TTLL5: variants seen among roughly 807,000 people sequenced by gnomAD.
The protein encoded by TTLL5 is tubulin polyglutamylase TTLL5.
A neutral mutation model predicts 168.4 loss-of-function variants in TTLL5; 132 were observed. The observed-to-expected ratio is 0.78, with a 90% CI of 0.68 to 0.91. The LOEUF is 0.91. Ranked by LOEUF, TTLL5 falls within the 40% of genes least tolerant of loss-of-function variation. TTLL5 has a pLI of 0.00. For missense variants in TTLL5, 1,545 were observed against 1,581.5 expected (o/e 0.98, Z 0.39); for synonymous variants, 546 against 558.6 (o/e 0.98, Z 0.32).
intron 9 of TTLL5, among the ~76,000 whole-genome samples, chr14:75,716,511 T>G (rs539637984): frequency 3.8e-4 from 58 of 152,312 alleles, no homozygotes; most frequent in South Asian, 1.0e-3. Flanking sequence ...AATGCTGACC[T>G]TTAATGTGGT....
chr14:75,745,073 A>G (rs377604796), intron 15 of TTLL5, 22 bp from the exon 16 acceptor site: 9 of 1,604,892 alleles, frequency 5.6e-6, no homozygotes, highest in South Asian at 2.2e-5. Context: ...TTTTTTTACT[A>G]TTTTCATTTT....
At chr14:75,846,772 A>G (rs1439469196) in intron 28 of TTLL5, among the ~76,000 whole-genome samples, 1 of 147,534 alleles carries the variant, frequency 6.8e-6, no homozygotes, top group African/African-American at 2.5e-5. Context: ...CCTGGGCAAC[A>G]AGAGTGAAAC....
At chr14:75,935,073 G>C (rs2034394726) in intron 31 of TTLL5, among the ~76,000 whole-genome samples, 1 of 152,350 alleles carries the variant, frequency 6.6e-6, no homozygotes, top group South Asian at 2.1e-4. Flanking sequence ...GGATCCAGAG[G>C]ACATCTGCTT....
chr14:75,851,373 T>C (rs1246916939), intron 28 of TTLL5, among the ~76,000 whole-genome samples: 1 of 152,202 alleles, frequency 6.6e-6, no homozygotes, highest in African/African-American at 2.4e-5. Context: ...ATAATACTTT[T>C]ATTCTTAAAA....
At chr14:75,806,650 T>C (rs533195021) in intron 27 of TTLL5, among the ~76,000 whole-genome samples, 123 of 152,024 alleles carry the variant, frequency 8.1e-4, no homozygotes, top group African/African-American at 2.9e-3. Flanking sequence ...TGCATACTCT[T>C]TCACTCATCA....
chr14:75,684,369 A>G (rs1054853365), intron 5 of TTLL5: 2 of 152,202 alleles, frequency 1.3e-5, no homozygotes, highest in Non-Finnish European at 2.9e-5. Context: ...TCAGGGTTCC[A>G]AAGAAAGGTA....
At chr14:75,853,194 A>G (rs1896963738) in intron 28 of TTLL5, among the ~76,000 whole-genome samples, 1 of 152,194 alleles carries the variant, frequency 6.6e-6, no homozygotes, top group African/African-American at 2.4e-5. Context: ...ATTTACACCA[A>G]GATTGTCACT....
chr14:75,905,116 AAAG>A (rs1223371228), intron 31 of TTLL5, among the ~76,000 whole-genome samples: 8 of 152,216 alleles, frequency 5.3e-5, no homozygotes, highest in African/African-American at 1.9e-4. Context: ...AACCCACAAG[AAAG>A]AAGAACAACT....
chr14:75,728,172 A>G (rs1362482100), intron 12 of TTLL5, among the ~76,000 whole-genome samples: 1 of 152,150 alleles, frequency 6.6e-6, no homozygotes. Flanking sequence ...CCTGGCCAAC[A>G]TGGTAAAACC....
At chr14:75,839,709 G>A (rs1566626308) in intron 28 of TTLL5, among the ~76,000 whole-genome samples, 2 of 152,112 alleles carry the variant, frequency 1.3e-5, no homozygotes, top group Non-Finnish European at 2.9e-5. Flanking sequence ...GGGGATTATG[G>A]GGATTATAAT....
At chr14:75,935,891 A>ATT (rs527750573) in intron 31 of TTLL5, among the ~76,000 whole-genome samples, 4 of 150,214 alleles carry the variant, frequency 2.7e-5, no homozygotes, top group African/African-American at 4.9e-5. Flanking sequence ...AATCTTTTGT[A>ATT]TTTTTTTTTT....
chr14:75,867,598 A>G (rs1200283737), intron 29 of TTLL5, among the ~76,000 whole-genome samples: 2 of 152,092 alleles, frequency 1.3e-5, no homozygotes, highest in African/African-American at 4.8e-5. Context: ...CGTCTCTACT[A>G]AAAATACAAA....
At chr14:75,674,039 G>A (rs1255601742) in intron 3 of TTLL5, among the ~76,000 whole-genome samples, 1 of 152,136 alleles carries the variant, frequency 6.6e-6, no homozygotes, top group Non-Finnish European at 1.5e-5. Flanking sequence ...ATGGCAATAG[G>A]CGGACCCTTC....
chr14:75,819,524 A>G (rs142516320), intron 27 of TTLL5, among the ~76,000 whole-genome samples: 1,925 of 152,236 alleles, frequency 0.013, 15 homozygotes, highest in South Asian at 0.026. Flanking sequence ...TTCTTTGTAC[A>G]TTATTTATTG....
chr14:75,752,389 A>T (rs12431382), intron 17 of TTLL5, among the ~76,000 whole-genome samples: 110,432 of 152,086 alleles, frequency 0.73, 40,498 homozygotes, highest in Admixed American at 0.79. Flanking sequence ...GATGTTACAG[A>T]TGATCCAACT....
At chr14:75,750,432 A>G (rs892164835) in intron 17 of TTLL5, among the ~76,000 whole-genome samples, 1 of 151,148 alleles carries the variant, frequency 6.6e-6, no homozygotes, top group Admixed American at 6.6e-5. Flanking sequence ...AAAATTATAC[A>G]TGGATTCTCT....
intron 20 of TTLL5, 138 bp downstream of exon 20, chr14:75,766,506 G>T (rs1192245782): frequency 1.1e-6 from 1 of 897,210 alleles, no homozygotes; most frequent in Non-Finnish European, 1.6e-6. Context: ...ACTGTGATTA[G>T]ATACTGTTAT....
At chr14:75,814,798 C>T (rs1894289126) in intron 27 of TTLL5, 1 of 152,142 alleles carries the variant, frequency 6.6e-6, no homozygotes, top group Non-Finnish European at 1.5e-5. Context: ...CTGTGCTGTG[C>T]AATAAGGTAA....
chr14:75,779,155 AAAC>A (rs752739927), intron 23 of TTLL5, among the ~76,000 whole-genome samples: 1 of 152,230 alleles, frequency 6.6e-6, no homozygotes, highest in Non-Finnish European at 1.5e-5. Context: ...GGGGCCATAA[AAAC>A]AAGTCGCTGG....
Sources: gnomAD v4.1 joint callset for allele counts (sites outside exome capture counted in the v4.1 genomes callset) on GRCh38, gnomAD v4.1.1 for gene constraint, MANE v1.5 for transcripts, NCBI Gene and HGNC (gene_info 2026-07-23, HGNC 2026-07-21) for gene names.